EFCAB6: variants seen among roughly 807,000 people sequenced by gnomAD.
The protein encoded by EFCAB6 is EF-hand calcium binding domain 6.
EFCAB6 carries 156 observed loss-of-function variants against 169.8 expected under a neutral mutation model. The ratio of observed to expected loss-of-function variants is 0.92; its 90% CI spans 0.81 to 1.05. EFCAB6 has a LOEUF of 1.05. EFCAB6 is among the 50% of genes least tolerant of loss of function. The probability of loss-of-function intolerance (pLI) is 0.00; values close to 1 mark genes in which losing one functional copy is unlikely to be tolerated. For missense variants in EFCAB6, 1,800 were observed against 1,829.1 expected (o/e 0.98, Z 0.29); for synonymous variants, 698 against 676.4 (o/e 1.03, Z -0.50).
At chr22:43,706,135 C>T (rs1406414341) in intron 10 of EFCAB6, among the ~76,000 whole-genome samples, 1 of 152,102 alleles carries the variant, frequency 6.6e-6, no homozygotes, top group African/African-American at 2.4e-5. Context: ...TACAACCTTC[C>T]AAGACTGAAT....
chr22:43,741,919 T>C (rs1209262808), intron 6 of EFCAB6, among the ~76,000 whole-genome samples: 1 of 152,058 alleles, frequency 6.6e-6, no homozygotes, highest in Non-Finnish European at 1.5e-5. Flanking sequence ...TGTCATTCCA[T>C]TCCACCCTTC....
At position 43,731,675 on chromosome 22, in the gene EFCAB6, G is replaced by C. The variant is rs2142973; in HGVS notation, c.757+24C>G. ...ATGCCAAAAGATATTGAAATCTTTAGCTATATACTTTAAAAATACTTACCT... is the reference window on the plus strand; with the variant it reads ...ATGCCAAAAGATATTGAAATCTTTACCTATATACTTTAAAAATACTTACCT... On this transcript the variant is annotated intron_variant, in intron 8 of 31. Transcript: ENST00000262726. 4 of 1,410,788 alleles carry C rather than the reference G, an allele frequency of 2.8e-6. No homozygotes were observed. The Admixed American group carries it at 8.2e-5, about 29-fold the overall frequency. The allele number at this position is 1,410,788 out of a possible 1,614,324, so 87.4% of individuals were successfully genotyped here. A position where few individuals can be genotyped will look rare whatever the true frequency, so the allele number is the denominator to read the frequency against.
rs532965810 is a variant in EFCAB6, at chr22:43,690,380, G to A, written c.1032-2799C>T. The stretch of plus-strand genomic sequence containing the variant: ...AAAAAAAAAAAATTAGCCGGGCATG[G>A]TGGCGGGTGCCTGTAATCCCAGCTA... On this transcript the variant is annotated intron_variant, in intron 10 of 31. Transcript: ENST00000262726. 4.1e-4 allele frequency among the ~76,000 whole-genome samples: 61 copies of A among 150,602 alleles called. No individual in the cohort carries two copies. In the Middle Eastern group the frequency reaches 0.021, roughly 51 times the overall value.
chr22:43,797,704 GT>G (rs1458357920), intron 2 of EFCAB6, among the ~76,000 whole-genome samples: 1 of 151,842 alleles, frequency 6.6e-6, no homozygotes, highest in Non-Finnish European at 1.5e-5. Context: ...ATCTCCTCGT[GT>G]TACTTCCTTG....
intron 23 of EFCAB6, among the ~76,000 whole-genome samples, chr22:43,597,665 C>T (rs1482494300): frequency 1.3e-5 from 2 of 152,162 alleles, no homozygotes; most frequent in Non-Finnish European, 2.9e-5. Flanking sequence ...TACTGTGAAA[C>T]ACAGTACGGC....
intron 6 of EFCAB6, among the ~76,000 whole-genome samples, chr22:43,748,497 G>T (rs1365505131): frequency 6.6e-6 from 1 of 152,112 alleles, no homozygotes; most frequent in Non-Finnish European, 1.5e-5. Flanking sequence ...TCCTCAACGT[G>T]CATTGCAAGT....
intron 17 of EFCAB6, among the ~76,000 whole-genome samples, chr22:43,639,046 A>G (rs1782706634): frequency 6.6e-6 from 1 of 152,054 alleles, no homozygotes; most frequent in Non-Finnish European, 1.5e-5. Context: ...CGGCCTCCCA[A>G]AGTGCTGGGG....
chr22:43,787,197 C>T (rs1460790913), intron 2 of EFCAB6, among the ~76,000 whole-genome samples: 2 of 152,076 alleles, frequency 1.3e-5, no homozygotes, highest in East Asian at 3.8e-4. Flanking sequence ...AAACATTATA[C>T]TGAAGGTTCT....
At chr22:43,721,563 C>T (rs1474503235) in intron 8 of EFCAB6, among the ~76,000 whole-genome samples, 1 of 152,070 alleles carries the variant, frequency 6.6e-6, no homozygotes, top group Non-Finnish European at 1.5e-5. Flanking sequence ...GCAAATGGAA[C>T]AGAATAGGAA....
At chr22:43,694,079 G>C (rs2058493412) in intron 10 of EFCAB6, among the ~76,000 whole-genome samples, 1 of 151,826 alleles carries the variant, frequency 6.6e-6, no homozygotes, top group African/African-American at 2.4e-5. Flanking sequence ...CTTAAATATT[G>C]ATCAACTGAA....
intron 26 of EFCAB6, among the ~76,000 whole-genome samples, chr22:43,562,104 T>A (rs1284319289): frequency 6.6e-6 from 1 of 152,190 alleles, no homozygotes; most frequent in Non-Finnish European, 1.5e-5. Flanking sequence ...ATATGCACTC[T>A]AGGTCTGACC....
At chr22:43,551,669 G>A (rs913156660) in intron 27 of EFCAB6, among the ~76,000 whole-genome samples, 12 of 151,908 alleles carry the variant, frequency 7.9e-5, no homozygotes, top group South Asian at 2.1e-4. Flanking sequence ...CCTCCTCCCC[G>A]ACCTCAACAG....
At chr22:43,787,585 C>CAA (rs2062128859) in intron 2 of EFCAB6, among the ~76,000 whole-genome samples, 1 of 152,180 alleles carries the variant, frequency 6.6e-6, no homozygotes, top group East Asian at 1.9e-4. Flanking sequence ...AAAAACTACA[C>CAA]AATATTGTTG....
chr22:43,529,003 AG>A, intron 31 of EFCAB6, 28 bp from the exon 32 acceptor site: 1 of 1,546,414 alleles, frequency 6.5e-7, no homozygotes, highest in Non-Finnish European at 8.8e-7. Flanking sequence ...GGGGCCTCTG[AG>A]GCTTGTTTGG....
intron 20 of EFCAB6, among the ~76,000 whole-genome samples, chr22:43,625,779 C>T (rs1301439669): frequency 6.6e-6 from 1 of 152,248 alleles, no homozygotes; most frequent in Admixed American, 6.5e-5. Flanking sequence ...CCCAAATTCA[C>T]AGCCATCACC....
At chr22:43,732,570 G>A (rs1244285320) in intron 7 of EFCAB6, among the ~76,000 whole-genome samples, 2 of 148,022 alleles carry the variant, frequency 1.4e-5, no homozygotes, top group Non-Finnish European at 3.0e-5. Flanking sequence ...CAGTTCAAGC[G>A]ATTCTCGTGC....
rs1024822145 is a variant in EFCAB6 at position 43,668,902 on chromosome 22, T to A, written c.1784A>T (p.Asp595Val). 1.1e-5 allele frequency: 17 copies of A among 1,608,220 alleles called. No individual in the cohort carries two copies. Among genetic ancestry groups the A allele is most frequent in the Admixed American group, 1.7e-5 (1 of 59,146 alleles). ...DQLLSEHLQKDEQQQPDLSER... is the reference protein window; with the variant it reads ...DQLLSEHLQKVEQQQPDLSER... ...AGAAAGATCTGGCTGCTGCTGTTCA[T>A]CTTTTTGTAAATGTTCACTTAACAG... is the stretch of plus-strand genomic sequence containing the variant. Residue 595 changes from aspartate (D) to valine (V), a missense_variant, in exon 16 of 32, where the codon GAT becomes GTT. Transcript: ENST00000262726.
At chr22:43,698,354 A>G (rs542782781) in intron 10 of EFCAB6, among the ~76,000 whole-genome samples, 4 of 152,284 alleles carry the variant, frequency 2.6e-5, no homozygotes, top group East Asian at 1.9e-4. Context: ...ATTTGTGTAC[A>G]TACACATCCC....
At chr22:43,579,156 T>C (rs2050491116) in intron 25 of EFCAB6, among the ~76,000 whole-genome samples, 1 of 150,362 alleles carries the variant, frequency 6.7e-6, no homozygotes, top group Non-Finnish European at 1.5e-5. Context: ...GTAGGCATCA[T>C]TGCTTACATG....
Sources: gnomAD v4.1 joint callset for allele counts (sites outside exome capture counted in the v4.1 genomes callset) on GRCh38, gnomAD v4.1.1 for gene constraint, MANE v1.5 for transcripts, NCBI Gene and HGNC (gene_info 2026-07-23, HGNC 2026-07-21) for gene names.